ATP1A2: variants seen among roughly 807,000 people sequenced by gnomAD.
ATP1A2 encodes the protein ATPase Na+/K+ transporting subunit alpha 2, also known as sodium/potassium-transporting ATPase subunit alpha-2.
In ATP1A2, 56 loss-of-function variants were observed where a neutral mutation model predicts 113.1. That is an observed-to-expected ratio of 0.49 (90% confidence interval 0.40 to 0.62). The LOEUF (loss-of-function observed/expected upper bound fraction) is 0.62. Among genes scored for constraint, ATP1A2 ranks in the 20% least tolerant of loss-of-function variants. ATP1A2 has a pLI of 0.00. For synonymous variants in ATP1A2, 490 were observed against 526.8 expected (o/e 0.93, Z 0.96); for missense variants, 712 against 1,357.8 (o/e 0.52, Z 7.47).
intron 11 of ATP1A2, 82 bp downstream of exon 11, chr1:160,129,482 A>G: frequency 2.5e-6 from 4 of 1,586,384 alleles, no homozygotes; most frequent in Non-Finnish European, 3.4e-6. Context: ...AATCATCACT[A>G]GCAGGAGTGG....
intron 3 of ATP1A2, 81 bp downstream of exon 3, chr1:160,121,332 G>C (rs1451462805): frequency 6.6e-7 from 1 of 1,511,694 alleles, no homozygotes; most frequent in African/African-American, 1.4e-5. Context: ...CCTTAAAACT[G>C]TAATCCAGCC....
chr1:160,130,452 A>G lies in ATP1A2; in HGVS notation c.1682A>G (p.Lys561Arg). The change falls in exon 13 of 23, where the codon AAG (lysine) becomes AGG (arginine). Residue 561 changes from lysine to arginine, a missense_variant. Lys to Arg is a conservative substitution (Grantham distance 26, BLOSUM62 2). Coordinates refer to ENST00000361216, the MANE Select transcript of ATP1A2 (RefSeq NM_000702.4). ...TGTCAACTGAATCTGCCATCTGGAA[A>G]GTTTCCTCGGGGCTTCAAATTCGAC... is the stretch of plus-strand genomic sequence containing the variant. Reference protein sequence around the residue: ...GFCQLNLPSGKFPRGFKFDTD... With the variant: ...GFCQLNLPSGRFPRGFKFDTD... 1 of 1,614,196 alleles carries G rather than the reference A, an allele frequency of 6.2e-7. No individual in the cohort carries two copies. The highest frequency in any genetic ancestry group is 8.5e-7 in the Non-Finnish European group (1 of 1,180,034).
chr1:160,137,809 T>G (rs986226876), intron 20 of ATP1A2, among the ~76,000 whole-genome samples: 3 of 152,144 alleles, frequency 2.0e-5, no homozygotes, highest in African/African-American at 7.2e-5. Flanking sequence ...TTGTTACAGT[T>G]TCTTAGTTTG....
intron 22 of ATP1A2, among the ~76,000 whole-genome samples, chr1:160,140,299 T>C (rs1339581037): frequency 6.6e-6 from 1 of 152,054 alleles, no homozygotes; most frequent in Non-Finnish European, 1.5e-5. Flanking sequence ...ATTTTACAGA[T>C]AGAGGAGGCT....
At chr1:160,124,751 C>T (rs1651530656) in intron 6 of ATP1A2, among the ~76,000 whole-genome samples, 1 of 152,184 alleles carries the variant, frequency 6.6e-6, no homozygotes, top group Non-Finnish European at 1.5e-5. Context: ...GTGGTGTAAT[C>T]ATGCAGGGCT....
At chr1:160,116,755 G>T (rs1298670083) in intron 1 of ATP1A2, among the ~76,000 whole-genome samples, 3 of 152,156 alleles carry the variant, frequency 2.0e-5, no homozygotes, top group African/African-American at 7.2e-5. Context: ...GAAAGGGCAT[G>T]CTGCGGAACA....
At position 160,130,236 on chromosome 1, in the gene ATP1A2, A is replaced by G. The variant is rs1651729248; in HGVS notation, c.1596A>G (p.Gln532=). The G allele has an allele frequency of 2.5e-6, 4 of 1,614,180 alleles. No individual in the cohort carries two copies. Among genetic ancestry groups the G allele is most frequent in the Non-Finnish European group, 3.4e-6 (4 of 1,180,028 alleles). ...AGATCCCGCTCGACAAGGAGATGCAAGATGCCTTTCAAAATGCCTACATGG... is the reference window on the plus strand; with the variant it reads ...AGATCCCGCTCGACAAGGAGATGCAGGATGCCTTTCAAAATGCCTACATGG... ...GKEIPLDKEM[Q]DAFQNAYMEL... is the part of the protein sequence containing the mutation. Residue 532 remains glutamine (Q), a synonymous_variant, in exon 12 of 23, where the codon CAA becomes CAG. Coordinates refer to ENST00000361216, the MANE Select transcript of ATP1A2 (RefSeq NM_000702.4).
rs1370746510 is a variant in ATP1A2 at position 160,121,275 on chromosome 1, A to G, written c.177+24A>G. 4 of 1,613,674 alleles carry G rather than the reference A, an allele frequency of 2.5e-6. No individual in the cohort carries two copies. The African/African-American group carries it at 5.3e-5, about 22-fold the overall frequency. On this transcript the variant is annotated intron_variant, in intron 3 of 22. Transcript: ENST00000361216. ...AGGTGAGTGGAGGGGCTTCTAGGGA[A>G]GGAACAAAAGAGGCAAGAAAACCAT...
At position 160,123,422 on chromosome 1, in the gene ATP1A2, C is replaced by A. The variant is rs771226566; in HGVS notation, c.381+6C>A. On this transcript the variant is annotated splice_donor_region_variant and intron_variant, in intron 4 of 22. Transcript: ENST00000361216. ...ATGAACCATCCAACGACAATGTGAG[C>A]CCACACGCCCGACCCGGGAACAGCC... 1.8e-5 allele frequency: 29 copies of A among 1,614,034 alleles called. No individual in the cohort carries two copies.
Position 160,129,073 on chromosome 1 carries a change from A to G in ATP1A2, c.1310A>G (p.Asn437Ser), listed in dbSNP as rs1651682704. 1 of 1,613,836 alleles carries G rather than the reference A, an allele frequency of 6.2e-7. No individual in the cohort carries two copies. The highest frequency in any genetic ancestry group is 1.1e-5 in the South Asian group (1 of 91,030). ...NRAVFKAGQENISVSKRDTAG... is the reference protein window; with the variant it reads ...NRAVFKAGQESISVSKRDTAG... Reference sequence around the variant, plus strand: ...GCCGTCTTCAAGGCAGGACAGGAGAACATCTCCGTGTCTAAGGTAGGGGGT... The same window carrying G: ...GCCGTCTTCAAGGCAGGACAGGAGAGCATCTCCGTGTCTAAGGTAGGGGGT... Residue 437 changes from asparagine to serine, a missense_variant, in exon 10 of 23, where the codon AAC (asparagine) becomes AGC (serine). Asn to Ser is a conservative substitution (Grantham distance 46, BLOSUM62 1). Around this residue, in one of 6 missense-constraint regions of ATP1A2, gnomAD observed 263 missense variants for 380.6 expected, o/e 0.69. Transcript: ENST00000361216.
intron 14 of ATP1A2, 25 bp downstream of exon 14, chr1:160,134,645 G>A (rs1651878119): frequency 6.2e-7 from 1 of 1,614,156 alleles, no homozygotes; most frequent in South Asian, 1.1e-5. Context: ...GGAAGCCCCT[G>A]TGCCCTAATC....
intron 13 of ATP1A2, among the ~76,000 whole-genome samples, chr1:160,131,351 G>A (rs927723347): frequency 6.6e-6 from 1 of 152,178 alleles, no homozygotes; most frequent in Admixed American, 6.5e-5. Context: ...GAGGGAAACT[G>A]AGGCACAAAG....
chr1:160,138,406 A>G (rs915101367), intron 20 of ATP1A2, among the ~76,000 whole-genome samples: 4 of 152,246 alleles, frequency 2.6e-5, no homozygotes, highest in Non-Finnish European at 5.9e-5. Context: ...GGGGAAATGT[A>G]TTCAATACTT....
At chr1:160,122,420 G>GAATGAA (rs796737407) in intron 3 of ATP1A2, among the ~76,000 whole-genome samples, 2 of 137,172 alleles carry the variant, frequency 1.5e-5, no homozygotes, top group South Asian at 2.3e-4. Flanking sequence ...ATGAATGAAT[G>GAATGAA]AAAAAAAAAA....
rs941854522 is a variant in ATP1A2, at chr1:160,140,128, G to C, written c.3034+144G>C. ...CAGATCCTGGGGTCCCAGGTCCCAG[G>C]AGCCCTGACTCTTTCGAACCTGTTG... On this transcript the variant is annotated intron_variant, in intron 22 of 22. Coordinates refer to ENST00000361216, the MANE Select transcript of ATP1A2 (RefSeq NM_000702.4). 6.0e-6 allele frequency: 5 copies of C among 828,280 alleles called. No homozygotes were observed. In the East Asian group the frequency reaches 1.3e-4, roughly 21 times the overall value. The allele number at this position is 828,280 out of a possible 1,614,324, so 51.3% of individuals were successfully genotyped here. A position where few individuals can be genotyped will look rare whatever the true frequency, so the allele number is the denominator to read the frequency against.
At chr1:160,137,465 G>T (rs193034451) in intron 20 of ATP1A2, among the ~76,000 whole-genome samples, 110 of 152,296 alleles carry the variant, frequency 7.2e-4, no homozygotes, top group African/African-American at 2.5e-3. Context: ...GAGTTCCAGC[G>T]TGCCAGGCAC....
At chr1:160,140,489 G>A (rs1034075368) in intron 22 of ATP1A2, among the ~76,000 whole-genome samples, 4 of 152,128 alleles carry the variant, frequency 2.6e-5, no homozygotes, top group Admixed American at 6.5e-5. Flanking sequence ...CAGGAATACT[G>A]TTTGGTTTGA....
chr1:160,123,566 T>C, intron 4 of ATP1A2, 150 bp downstream of exon 4: 1 of 961,412 alleles, frequency 1.0e-6, no homozygotes, highest in Non-Finnish European at 1.6e-6. Context: ...GAGAGGCTTC[T>C]ATATATATCT....
At chr1:160,136,547 T>G in intron 18 of ATP1A2, 23 bp from the exon 19 acceptor site, 5 of 1,614,232 alleles carry the variant, frequency 3.1e-6, no homozygotes, top group Non-Finnish European at 3.4e-6. Context: ...ACCCTGCCCC[T>G]GCCTTTGGCC....
Sources: allele counts gnomAD v4.1 joint callset (sites outside exome capture counted in the v4.1 genomes callset), GRCh38; gene constraint gnomAD v4.1.1; regional missense constraint gnomAD v4.1.1; transcripts MANE v1.5; gene names NCBI Gene and HGNC (gene_info 2026-07-23, HGNC 2026-07-21).